Variants in GABRB2 observed in about 807,000 individuals in gnomAD.
GABRB2 encodes the protein gamma-aminobutyric acid type A receptor subunit beta2.
A neutral mutation model predicts 54.7 loss-of-function variants in GABRB2; 16 were observed. That is an observed-to-expected ratio of 0.29 (90% CI 0.20 to 0.44). The LOEUF (loss-of-function observed/expected upper bound fraction) is 0.44, where lower values mean the gene tolerates loss of function less well. GABRB2 is among the 20% of genes least tolerant of loss of function. The probability of loss-of-function intolerance (pLI) is 1.00; values close to 1 mark genes in which losing one functional copy is unlikely to be tolerated. For synonymous variants in GABRB2, 244 were observed against 233.8 expected (o/e 1.04, Z -0.40); for missense variants, 355 against 644.0 (o/e 0.55, Z 4.86).
intron 7 of GABRB2, among the ~76,000 whole-genome samples, chr5:161,332,208 C>G (rs1355921937): frequency 1.4e-5 from 2 of 147,522 alleles, no homozygotes; most frequent in South Asian, 4.3e-4. Flanking sequence ...AAGAGGTTTT[C>G]AGAGTAATCC....
chr5:161,337,244 A>G (rs1754020952), intron 5 of GABRB2, among the ~76,000 whole-genome samples: 1 of 152,220 alleles, frequency 6.6e-6, no homozygotes, highest in African/African-American at 2.4e-5. Context: ...AATGCTGATT[A>G]TCAAATTCTC....
At chr5:161,298,622 T>A (rs928910045) in intron 9 of GABRB2, among the ~76,000 whole-genome samples, 1 of 152,234 alleles carries the variant, frequency 6.6e-6, no homozygotes, top group Non-Finnish European at 1.5e-5. Context: ...GGACCACCTC[T>A]TGAGTTTCTT....
At chr5:161,531,577 A>C (rs1760463525) in intron 3 of GABRB2, among the ~76,000 whole-genome samples, 1 of 152,146 alleles carries the variant, frequency 6.6e-6, no homozygotes, top group Admixed American at 6.6e-5. Context: ...CAAGGTAGGA[A>C]TAAATGTGAC....
intron 2 of GABRB2, 103 bp from the exon 3 acceptor site, chr5:161,545,397 C>T: frequency 5.2e-6 from 3 of 575,670 alleles, no homozygotes; most frequent in Admixed American, 4.5e-5. Flanking sequence ...CCCTTCTGCA[C>T]TACTCAATCT....
At chr5:161,475,778 A>C (rs1758573343) in intron 3 of GABRB2, among the ~76,000 whole-genome samples, 1 of 151,556 alleles carries the variant, frequency 6.6e-6, no homozygotes, top group African/African-American at 2.4e-5. Flanking sequence ...GAAAACCCTC[A>C]ACAAACTAAA....
At chr5:161,436,331 G>A (rs1177609377) in intron 4 of GABRB2, among the ~76,000 whole-genome samples, 1 of 152,136 alleles carries the variant, frequency 6.6e-6, no homozygotes, top group Non-Finnish European at 1.5e-5. Flanking sequence ...AGTAGGTCGA[G>A]ACCAGCCTGG....
chr5:161,409,346 TA>T (rs1275025397), intron 5 of GABRB2, among the ~76,000 whole-genome samples: 5 of 152,014 alleles, frequency 3.3e-5, no homozygotes, highest in African/African-American at 1.2e-4. Context: ...GTGAGATACG[TA>T]AAGCCTAAAG....
chr5:161,454,088 C>T (rs1757875539), intron 4 of GABRB2, among the ~76,000 whole-genome samples: 1 of 150,342 alleles, frequency 6.7e-6, no homozygotes, highest in Non-Finnish European at 1.5e-5. Context: ...ATTCCTGAAG[C>T]TCTTCAAATA....
chr5:161,379,713 C>G (rs928951613), intron 5 of GABRB2, among the ~76,000 whole-genome samples: 1 of 152,210 alleles, frequency 6.6e-6, no homozygotes, highest in East Asian at 1.9e-4. Context: ...CCAATTACCC[C>G]CTTTCTGAGT....
chr5:161,449,666 A>C (rs1487633038), intron 4 of GABRB2, among the ~76,000 whole-genome samples: 1 of 152,198 alleles, frequency 6.6e-6, no homozygotes, highest in Non-Finnish European at 1.5e-5. Context: ...AATGTAAGAC[A>C]AATGAAAAAA....
At chr5:161,517,269 T>C (rs917647677) in intron 3 of GABRB2, among the ~76,000 whole-genome samples, 2 of 152,172 alleles carry the variant, frequency 1.3e-5, no homozygotes, top group East Asian at 1.9e-4. Context: ...AAAGTCAACA[T>C]GGAAAACTAT....
intron 5 of GABRB2, among the ~76,000 whole-genome samples, chr5:161,392,563 A>G (rs1755863187): frequency 6.6e-6 from 1 of 151,796 alleles, no homozygotes; most frequent in Non-Finnish European, 1.5e-5. Context: ...CCAAATTCGG[A>G]CTCCACCACT....
intron 5 of GABRB2, among the ~76,000 whole-genome samples, chr5:161,389,272 T>G (rs1409880128): frequency 1.3e-5 from 2 of 152,040 alleles, no homozygotes; most frequent in Non-Finnish European, 2.9e-5. Flanking sequence ...TTCAGTTTAG[T>G]AGGTGTACCT....
At position 161,336,701 on chromosome 5, in the gene GABRB2, T is replaced by C. The variant is rs770234742; in HGVS notation, c.610A>G (p.Lys204Glu). 1 of 1,613,550 alleles carries C rather than the reference T, an allele frequency of 6.2e-7. No individual in the cohort carries two copies. Among genetic ancestry groups the C allele is most frequent in the South Asian group, 1.1e-5 (1 of 91,064 alleles). The change falls in exon 6 of 10, where the codon AAA becomes GAA. Residue 204 changes from lysine to glutamate, a missense_variant. Lys to Glu is a moderately conservative substitution (Grantham distance 56). Around this residue, in one of 6 missense-constraint regions of GABRB2, gnomAD observed 30 missense variants for 33.7 expected, o/e 0.89. Coordinates refer to ENST00000393959, the MANE Select transcript of GABRB2 (RefSeq NM_001371727.1). Reference sequence around the variant, plus strand: ...ATAGAGAACTGTGGAAGTTCAATTTTCGTTACTCCTGTTACTGCATTATCA... The same window carrying C: ...ATAGAGAACTGTGGAAGTTCAATTTCCGTTACTCCTGTTACTGCATTATCA... The part of the protein sequence containing the change: ...GDDNAVTGVT[K>E]IELPQFSIVD...
intron 3 of GABRB2, among the ~76,000 whole-genome samples, chr5:161,481,033 T>G (rs114438132): frequency 6.6e-6 from 1 of 152,032 alleles, no homozygotes; most frequent in Non-Finnish European, 1.5e-5. Context: ...ACTATATAAA[T>G]ATTAATGACA....
intron 5 of GABRB2, among the ~76,000 whole-genome samples, chr5:161,353,900 G>T (rs2113439588): frequency 6.6e-6 from 1 of 152,070 alleles, no homozygotes; most frequent in South Asian, 2.1e-4. Flanking sequence ...AGATAATAGT[G>T]CAATTTTTTT....
rs1362919246 is a variant in GABRB2 at position 161,293,082 on chromosome 5, C to T, written c.*999G>A. ...TCTGTATTTGTATATTTGAATGACTCTGAATCTAACCTGAATATCTAAGAC... is the reference window on the plus strand; with the variant it reads ...TCTGTATTTGTATATTTGAATGACTTTGAATCTAACCTGAATATCTAAGAC... On this transcript the variant is annotated 3_prime_UTR_variant, in exon 10 of 10. Transcript: ENST00000393959. The T allele has an allele frequency of 6.6e-6, 1 of 152,222 alleles. No homozygotes were observed. Among genetic ancestry groups the T allele is most frequent in the African/African-American group, 2.4e-5 (1 of 41,462 alleles). The allele number at this position is 152,222 out of a possible 1,614,324, so 9.4% of individuals were successfully genotyped here.
intron 5 of GABRB2, among the ~76,000 whole-genome samples, chr5:161,360,558 G>A (rs1481537433): frequency 2.6e-5 from 4 of 151,970 alleles, no homozygotes; most frequent in African/African-American, 4.8e-5. Flanking sequence ...TGGCAAATAC[G>A]GAGCATAAAG....
chr5:161,445,036 C>T (rs370821553), intron 4 of GABRB2, among the ~76,000 whole-genome samples: 3 of 152,008 alleles, frequency 2.0e-5, no homozygotes, highest in Non-Finnish European at 4.4e-5. Context: ...TGTGGCGAAA[C>T]GGCAATTACT....
Sources: gnomAD v4.1 joint callset for allele counts (sites outside exome capture counted in the v4.1 genomes callset) on GRCh38, gnomAD v4.1.1 for gene constraint, gnomAD v4.1.1 regional missense constraint, MANE v1.5 for transcripts, NCBI Gene and HGNC (gene_info 2026-07-23, HGNC 2026-07-21) for gene names.